The following DLG2 variants were observed in gnomAD, a reference collection of about 807,000 sequenced individuals.
The protein encoded by DLG2 is discs large MAGUK scaffold protein 2, also known as disks large homolog 2.
DLG2 carries 45 observed loss-of-function variants against 132.5 expected under a neutral mutation model. That is an observed-to-expected ratio of 0.34 (90% CI 0.27 to 0.44). The LOEUF is 0.44. DLG2 is among the 20% of genes least tolerant of loss of function. The probability of loss-of-function intolerance (pLI) is 1.00; values close to 1 mark genes in which losing one functional copy is unlikely to be tolerated. For synonymous variants in DLG2, 424 were observed against 419.6 expected, an observed-to-expected ratio of 1.01 and a Z score of -0.13; for missense variants, 1,045 against 1,196.9, an observed-to-expected ratio of 0.87 and a Z score of 1.87.
chr11:83,876,407 T>G (rs901415350), intron 15 of DLG2, among the ~76,000 whole-genome samples: 1 of 152,144 alleles, frequency 6.6e-6, no homozygotes, highest in African/African-American at 2.4e-5. Flanking sequence ...ATAACTTTAG[T>G]GATAAATATC....
intron 7 of DLG2, among the ~76,000 whole-genome samples, chr11:84,377,921 G>A (rs1393877531): frequency 6.6e-6 from 1 of 152,150 alleles, no homozygotes; most frequent in African/African-American, 2.4e-5. Context: ...TGACCTTATA[G>A]GAACAAGAGA....
intron 7 of DLG2, among the ~76,000 whole-genome samples, chr11:84,467,961 G>T (rs908180821): frequency 6.6e-6 from 1 of 151,432 alleles, no homozygotes; most frequent in East Asian, 1.9e-4. Context: ...CAGGAAATAT[G>T]AACATTTATT....
intron 3 of DLG2, among the ~76,000 whole-genome samples, chr11:85,300,909 A>C (rs1352360646): frequency 6.6e-6 from 1 of 152,130 alleles, no homozygotes; most frequent in African/African-American, 2.4e-5. Flanking sequence ...ACCCTAAAAA[A>C]ATTATTAGAG....
intron 3 of DLG2, among the ~76,000 whole-genome samples, chr11:85,409,682 A>G (rs540144576): frequency 1.3e-5 from 2 of 151,930 alleles, no homozygotes; most frequent in South Asian, 2.1e-4. Context: ...AGGCAGTTAT[A>G]TATCTGGGGG....
intron 6 of DLG2, among the ~76,000 whole-genome samples, chr11:84,962,852 T>G (rs560518138): frequency 6.6e-6 from 1 of 152,328 alleles, no homozygotes; most frequent in East Asian, 1.9e-4. Context: ...CTAAGTATTC[T>G]GGCAGCTGAT....
chr11:84,508,635 G>A (rs2099249069), intron 7 of DLG2, among the ~76,000 whole-genome samples: 1 of 151,952 alleles, frequency 6.6e-6, no homozygotes, highest in African/African-American at 2.4e-5. Flanking sequence ...CCTGACCTCA[G>A]GTGATCCACT....
chr11:84,460,591 T>C (rs545710098), intron 7 of DLG2, among the ~76,000 whole-genome samples: 54 of 150,740 alleles, frequency 3.6e-4, no homozygotes, highest in Middle Eastern at 6.8e-3. Flanking sequence ...AATACATCCA[T>C]GAATTACAAC....
chr11:84,802,435 G>T (rs1438829350), intron 6 of DLG2, among the ~76,000 whole-genome samples: 1 of 152,156 alleles, frequency 6.6e-6, no homozygotes, highest in Non-Finnish European at 1.5e-5. Flanking sequence ...GGGCAAGAGA[G>T]AAGAAATAGG....
At chr11:84,492,213 T>C (rs996670649) in intron 7 of DLG2, among the ~76,000 whole-genome samples, 4 of 152,170 alleles carry the variant, frequency 2.6e-5, no homozygotes, top group Admixed American at 2.0e-4. Context: ...TTTTACCCCA[T>C]AGAATCTATG....
intron 10 of DLG2, among the ~76,000 whole-genome samples, chr11:84,067,902 G>A (rs1039879163): frequency 2.6e-5 from 4 of 152,200 alleles, no homozygotes; most frequent in Admixed American, 2.6e-4. Flanking sequence ...GGCCAATGTA[G>A]TAATATCTAT....
At chr11:84,587,122 AC>A (rs138498582) in intron 6 of DLG2, among the ~76,000 whole-genome samples, 21,000 of 152,112 alleles carry the variant, frequency 0.14, 1,583 homozygotes, top group African/African-American at 0.21. Flanking sequence ...CCAGGTGACA[AC>A]TTTTTGTCTG....
intron 14 of DLG2, among the ~76,000 whole-genome samples, chr11:83,932,303 C>T (rs2080421893): frequency 1.3e-5 from 2 of 151,520 alleles, no homozygotes; most frequent in East Asian, 3.9e-4. Context: ...GGCGCAATCT[C>T]GGCTCACTGC....
intron 3 of DLG2, among the ~76,000 whole-genome samples, chr11:85,566,145 A>G (rs1204708566): frequency 6.6e-6 from 1 of 152,126 alleles, no homozygotes; most frequent in Non-Finnish European, 1.5e-5. Flanking sequence ...TCATTTGTAT[A>G]TCTTTTTAGG....
intron 15 of DLG2, among the ~76,000 whole-genome samples, chr11:83,908,847 C>T (rs937741047): frequency 6.6e-5 from 10 of 152,128 alleles, no homozygotes; most frequent in African/African-American, 2.4e-4. Flanking sequence ...GATTCTCCCA[C>T]CTTGGCCTCC....
At chr11:83,679,488 C>A (rs1293528976) in intron 18 of DLG2, among the ~76,000 whole-genome samples, 1 of 151,932 alleles carries the variant, frequency 6.6e-6, no homozygotes, top group Non-Finnish European at 1.5e-5. Context: ...GGATACTATC[C>A]TAGGAATTAG....
rs745561713 is a variant in DLG2 at position 84,028,066 on chromosome 11, AC to A, written c.919+31248del. On this transcript the variant is annotated intron_variant, in intron 11 of 27. Coordinates refer to ENST00000376104, the MANE Select transcript of DLG2 (RefSeq NM_001142699.3). ...CTTGTCCAGATTAAAAAAAAAAAAA[AC>A]AAAACACCTATCACTGTATTCTAGA... Among the ~76,000 whole-genome samples the A allele has an allele frequency of 1.7e-4, 26 of 151,438 alleles. 2 individuals are homozygous for A. The highest frequency in any genetic ancestry group is 2.9e-4 in the African/African-American group (12 of 41,378).
At chr11:85,428,024 CAAAG>C (rs2153006775) in intron 3 of DLG2, among the ~76,000 whole-genome samples, 1 of 152,164 alleles carries the variant, frequency 6.6e-6, no homozygotes, top group Admixed American at 6.5e-5. Context: ...TCAAAAGAGA[CAAAG>C]AAGGCCATTA....
At chr11:84,899,686 G>T (rs564381144) in intron 6 of DLG2, among the ~76,000 whole-genome samples, 1 of 152,134 alleles carries the variant, frequency 6.6e-6, no homozygotes, top group South Asian at 2.1e-4. Context: ...AGAAATGGCA[G>T]TGAGCAAAAG....
intron 6 of DLG2, among the ~76,000 whole-genome samples, chr11:85,062,636 G>T (rs1323399650): frequency 6.6e-6 from 1 of 151,408 alleles, no homozygotes; most frequent in Non-Finnish European, 1.5e-5. Flanking sequence ...TGTTTTATTT[G>T]CAAATTCATG....
Sources: allele counts gnomAD v4.1 joint callset (sites outside exome capture counted in the v4.1 genomes callset), GRCh38; gene constraint gnomAD v4.1.1; transcripts MANE v1.5; gene names NCBI Gene and HGNC (gene_info 2026-07-23, HGNC 2026-07-21).